SCN8A: variants seen among roughly 807,000 people sequenced by gnomAD.
The protein encoded by SCN8A is sodium channel protein type 8 subunit alpha.
In SCN8A, 30 loss-of-function variants were observed where a neutral mutation model predicts 184.1. That is an observed-to-expected ratio of 0.16 (90% CI 0.12 to 0.22). The LOEUF (loss-of-function observed/expected upper bound fraction) is 0.22, where lower values mean the gene tolerates loss of function less well. Ranked by LOEUF, SCN8A falls within the 10% of genes least tolerant of loss-of-function variation. The pLI is 1.00. For synonymous variants in SCN8A, 852 were observed against 907.0 expected (o/e 0.94, Z 1.09); for missense variants, 1,057 against 2,498.9 (o/e 0.42, Z 12.30).
At chr12:51,768,062 C>T (rs1592150923) in intron 16 of SCN8A, 1 of 152,228 alleles carries the variant, frequency 6.6e-6, no homozygotes, top group East Asian at 1.9e-4. Flanking sequence ...TCCCACTCTG[C>T]ACATGACTGT....
intron 1 of SCN8A, among the ~76,000 whole-genome samples, chr12:51,657,277 T>C (rs956868804): frequency 2.0e-5 from 3 of 152,160 alleles, no homozygotes; most frequent in African/African-American, 7.2e-5. Context: ...GGCATATCCA[T>C]CTCAAATATT....
intron 11 of SCN8A, among the ~76,000 whole-genome samples, chr12:51,710,212 T>A (rs1459890754): frequency 6.6e-6 from 1 of 152,150 alleles, no homozygotes; most frequent in Non-Finnish European, 1.5e-5. Flanking sequence ...TTCATAGCAT[T>A]CCCCATCCCC....
At chr12:51,603,054 A>G (rs548424834) in intron 1 of SCN8A, among the ~76,000 whole-genome samples, 49 of 152,218 alleles carry the variant, frequency 3.2e-4, no homozygotes, top group Middle Eastern at 3.4e-3. Flanking sequence ...ATTGAAACAA[A>G]TCTTGGTGTA....
intron 1 of SCN8A, among the ~76,000 whole-genome samples, chr12:51,610,333 T>C (rs1344950518): frequency 1.3e-5 from 2 of 152,236 alleles, no homozygotes; most frequent in South Asian, 2.1e-4. Flanking sequence ...TCTGCAGTTT[T>C]GTATCCTTTA....
intron 17 of SCN8A, 84 bp downstream of exon 17, chr12:51,769,419 G>C (rs1487000992): frequency 1.1e-6 from 1 of 948,036 alleles, no homozygotes; most frequent in Admixed American, 2.6e-5. Context: ...TTCAGCTATG[G>C]GCTTGGTAGA....
In SCN8A at chr12:51,811,456, TAAAAAAC is replaced by T. The variant is rs1938893575; in HGVS notation, c.*4033_*4039del. On this transcript the variant is annotated 3_prime_UTR_variant, in exon 27 of 27. Transcript: ENST00000627620. ...ACTTCTGCCTTTTTCACCTGTATGT[TAAAAAAC>T]AAAAACAAAAAAACCCTATCCCTGT... 2 of 152,232 alleles carry T rather than the reference TAAAAAAC, an allele frequency of 1.3e-5. No individual in the cohort carries two copies. The highest frequency in any genetic ancestry group is 6.5e-5 in the Admixed American group (1 of 15,290). 9.4% of individuals were successfully genotyped at this position (152,232 alleles called of 1,614,324 possible). A position where few individuals can be genotyped will look rare whatever the true frequency, so the allele number is the denominator to read the frequency against.
Position 51,769,811 on chromosome 12 carries a change from G to A in SCN8A, c.3373-57G>A. ...CCCCACCAGAGGCAGAGTTCTCAGT[G>A]TGGAGTGGGCATGTTGCCTCAGAGC... On this transcript the variant is annotated intron_variant, in intron 17 of 26. Coordinates refer to ENST00000627620, the MANE Select transcript of SCN8A (RefSeq NM_001330260.2). 4 of 1,099,670 alleles carry A rather than the reference G, an allele frequency of 3.6e-6. No homozygotes were observed. The South Asian group carries it at 5.3e-5, about 15-fold the overall frequency. 68.1% of individuals were successfully genotyped at this position (1,099,670 alleles called of 1,614,324 possible). A position where few individuals can be genotyped will look rare whatever the true frequency, so the allele number is the denominator to read the frequency against.
chr12:51,697,853 G>A (rs1199419009), intron 6 of SCN8A, among the ~76,000 whole-genome samples: 1 of 152,032 alleles, frequency 6.6e-6, no homozygotes, highest in Non-Finnish European at 1.5e-5. Context: ...TTTTGTTGTT[G>A]TTGTTTTGTT....
intron 1 of SCN8A, among the ~76,000 whole-genome samples, chr12:51,653,382 T>G (rs1940758041): frequency 6.6e-6 from 1 of 152,246 alleles, no homozygotes; most frequent in South Asian, 2.1e-4. Context: ...TCTGTCTTTA[T>G]GCATTTGACT....
At chr12:51,659,835 CTG>C (rs1417339695) in intron 1 of SCN8A, among the ~76,000 whole-genome samples, 1 of 152,150 alleles carries the variant, frequency 6.6e-6, no homozygotes, top group African/African-American at 2.4e-5. Context: ...GCAGAGATAA[CTG>C]AGATTCCATG....
chr12:51,696,377 A>G (rs949379057), intron 6 of SCN8A, among the ~76,000 whole-genome samples: 2 of 152,220 alleles, frequency 1.3e-5, no homozygotes, highest in African/African-American at 4.8e-5. Flanking sequence ...GCCCACTCCA[A>G]CCCAGTCAAA....
At chr12:51,625,212 G>C (rs568698786) in intron 1 of SCN8A, among the ~76,000 whole-genome samples, 1 of 152,270 alleles carries the variant, frequency 6.6e-6, no homozygotes, top group South Asian at 2.1e-4. Flanking sequence ...TGCAAACCCT[G>C]ATAACTAGTA....
chr12:51,603,260 ATCATACTACAC>A (rs1405852594), intron 1 of SCN8A, among the ~76,000 whole-genome samples: 1 of 152,224 alleles, frequency 6.6e-6, no homozygotes, highest in African/African-American at 2.4e-5. Flanking sequence ...TAAAAGTAGA[ATCATACTACAC>A]TATATAACCC....
At chr12:51,749,266 G>A (rs1171101214) in intron 13 of SCN8A, among the ~76,000 whole-genome samples, 1 of 152,134 alleles carries the variant, frequency 6.6e-6, no homozygotes, top group Non-Finnish European at 1.5e-5. Context: ...GAGATGTCTG[G>A]TATCCCTAGA....
intron 14 of SCN8A, among the ~76,000 whole-genome samples, chr12:51,753,539 C>G (rs1942627587): frequency 6.6e-6 from 1 of 152,080 alleles, no homozygotes; most frequent in Admixed American, 6.5e-5. Context: ...CTGGACAATA[C>G]CAGAAACTCA....
chr12:51,620,033 A>G (rs1403681891), intron 1 of SCN8A, among the ~76,000 whole-genome samples: 1 of 152,206 alleles, frequency 6.6e-6, no homozygotes, highest in East Asian at 1.9e-4. Flanking sequence ...CTAGATCAAG[A>G]CATTCAGTGT....
At chr12:51,660,195 G>A (rs1276198335) in intron 1 of SCN8A, among the ~76,000 whole-genome samples, 5 of 152,162 alleles carry the variant, frequency 3.3e-5, no homozygotes, top group Non-Finnish European at 5.9e-5. Flanking sequence ...TGTAAAGGGA[G>A]AAGATACAGG....
intron 1 of SCN8A, among the ~76,000 whole-genome samples, chr12:51,644,792 G>A (rs1465160076): frequency 1.3e-5 from 2 of 151,754 alleles, no homozygotes; most frequent in African/African-American, 4.8e-5. Context: ...GAAGTGAGGA[G>A]CACCTCTTCC....
At chr12:51,648,766 A>G (rs1940646255) in intron 1 of SCN8A, among the ~76,000 whole-genome samples, 1 of 152,154 alleles carries the variant, frequency 6.6e-6, no homozygotes, top group South Asian at 2.1e-4. Flanking sequence ...ACAATTCAAG[A>G]TGAGATTTGG....
Sources: allele counts gnomAD v4.1 joint callset (sites outside exome capture counted in the v4.1 genomes callset), GRCh38; gene constraint gnomAD v4.1.1; transcripts MANE v1.5; gene names NCBI Gene and HGNC (gene_info 2026-07-23, HGNC 2026-07-21).